DCAF11: variants seen among roughly 807,000 people sequenced by gnomAD.
DCAF11 encodes the protein DDB1- and CUL4-associated factor 11.
In DCAF11, 44 loss-of-function variants were observed where a neutral mutation model predicts 76.1. The ratio of observed to expected loss-of-function variants is 0.58; its 90% CI spans 0.45 to 0.74. DCAF11 has a LOEUF of 0.74. Ranked by LOEUF, DCAF11 falls within the 30% of genes least tolerant of loss-of-function variation. The pLI, the probability that DCAF11 is intolerant of heterozygous loss-of-function variation, is 0.00. For synonymous variants in DCAF11, 258 were observed against 255.0 expected (o/e 1.01, Z -0.11); for missense variants, 604 against 709.4 (o/e 0.85, Z 1.69).
intron 2 of DCAF11, among the ~76,000 whole-genome samples, chr14:24,116,572 A>G (rs929851177): frequency 6.6e-6 from 1 of 152,210 alleles, no homozygotes; most frequent in African/African-American, 2.4e-5. Context: ...TCAGAAGGAA[A>G]TGCTGTGAGG....
rs186457931 is a variant in DCAF11 at position 24,116,565 on chromosome 14, G to A, written c.156-352G>A. On this transcript the variant is annotated intron_variant, in intron 2 of 14. Coordinates refer to ENST00000446197, the MANE Select transcript of DCAF11 (RefSeq NM_025230.5). ...GGTGGACTTCTCAGGCAGAGGCTCA[G>A]AAGGAAATGCTGTGAGGATGTTTAG... Among the ~76,000 whole-genome samples, 14 of 152,332 alleles carry A rather than the reference G, an allele frequency of 9.2e-5. No individual in the cohort carries two copies. In the East Asian group the frequency reaches 2.7e-3, roughly 29 times the overall value.
At chr14:24,122,885 A>T in intron 13 of DCAF11, 86 bp from the exon 14 acceptor site, 1 of 1,202,132 alleles carries the variant, frequency 8.3e-7, no homozygotes, top group Non-Finnish European at 1.2e-6. Context: ...CCTGAGAGGC[A>T]GGTCAGTGGT....
chr14:24,114,975 T>C lies in DCAF11; in HGVS notation c.-532T>C. The C allele has an allele frequency of 1.0e-6, 1 of 985,932 alleles. No homozygotes were observed. The highest frequency in any genetic ancestry group is 5.2e-4 in the Middle Eastern group (1 of 1,916). 61.1% of individuals were successfully genotyped at this position (985,932 alleles called of 1,614,324 possible). A position where few individuals can be genotyped will look rare whatever the true frequency, so the allele number is the denominator to read the frequency against. On this transcript the variant is annotated 5_prime_UTR_variant, in exon 1 of 15. Coordinates refer to ENST00000446197, the MANE Select transcript of DCAF11 (RefSeq NM_025230.5). Reference sequence around the variant, plus strand: ...ACCGCCGGCTTCAGTGGGAGGTGCTTCTCGGCTTCCTCCCCCTCATGGCGT... The same window carrying C: ...ACCGCCGGCTTCAGTGGGAGGTGCTCCTCGGCTTCCTCCCCCTCATGGCGT...
chr14:24,116,945 G>A lies in DCAF11; in HGVS notation c.184G>A (p.Gly62Ser). The A allele has an allele frequency of 6.2e-7, 1 of 1,614,156 alleles. No homozygotes were observed. The highest frequency in any genetic ancestry group is 8.5e-7 in the Non-Finnish European group (1 of 1,180,022). The change falls in exon 3 of 15, where the codon GGT (glycine) becomes AGT (serine). Residue 62 changes from glycine to serine, a missense_variant. By Grantham distance (56) the Gly-to-Ser change is moderately conservative. Coordinates refer to ENST00000446197, the MANE Select transcript of DCAF11 (RefSeq NM_025230.5). ...RGQVRLVQGG[G>S]AANLQFIQAL... ...CCAAGTGAGGTTGGTGCAGGGAGGA[G>A]GTGCAGCAAATTTACAATTCATTCA...
At position 24,121,040 on chromosome 14, in the gene DCAF11, C is replaced by A. The variant is rs765222320; in HGVS notation, c.1246+49C>A. 3 of 1,603,126 alleles carry A rather than the reference C, an allele frequency of 1.9e-6. No homozygotes were observed. In the South Asian group the frequency reaches 3.3e-5, roughly 18 times the overall value. The stretch of plus-strand genomic sequence containing the variant: ...GTGGATTTGTCTGTAGCCTGGGAGC[C>A]CTGGAGGACCTCCCCCTCAGCCCTC... On this transcript the variant is annotated intron_variant, in intron 12 of 14. Coordinates refer to ENST00000446197, the MANE Select transcript of DCAF11 (RefSeq NM_025230.5).
rs2037527903 is a variant in DCAF11, at chr14:24,115,442, T to A, written c.-153T>A. 9.1e-7 allele frequency: 1 copy of A among 1,103,304 alleles called. No homozygotes were observed. Among genetic ancestry groups the A allele is most frequent in the Non-Finnish European group, 1.3e-6 (1 of 793,482 alleles). 68.3% of individuals were successfully genotyped at this position (1,103,304 alleles called of 1,614,324 possible). ...GTTGGCATAGGCTAAAGAAAAGGGA[T>A]CTCAGCCCCGAGGAAGGGTCACCCT... On this transcript the variant is annotated 5_prime_UTR_variant, in exon 2 of 15. Coordinates refer to ENST00000446197, the MANE Select transcript of DCAF11 (RefSeq NM_025230.5).
Position 24,121,480 on chromosome 14 carries a change from G to A in DCAF11, c.1362G>A (p.Gln454=). ...CCCCCATTCATAGCACTGGCCAGCA[G>A]TTCATCTACAGTGGCTGCTCCACTG... ...RFSPIHSTGQ[Q]FIYSGCSTGK... is the part of the protein sequence containing the mutation. The change falls in exon 13 of 15, where the codon CAG becomes CAA. Residue 454 remains glutamine (Q), a synonymous_variant. Transcript: ENST00000446197. 1 of 1,614,198 alleles carries A rather than the reference G, an allele frequency of 6.2e-7. No individual in the cohort carries two copies. The highest frequency in any genetic ancestry group is 8.5e-7 in the Non-Finnish European group (1 of 1,180,032).
In DCAF11 at chr14:24,123,157, C is replaced by T. The variant is rs769905663; in HGVS notation, c.1507-18C>T. On this transcript the variant is annotated intron_variant, in intron 14 of 14. Coordinates refer to ENST00000446197, the MANE Select transcript of DCAF11 (RefSeq NM_025230.5). ...GGGGGCAGCACATCCTGACTGCTTGCCACCCTCTGCCCTGCAGTGGGACGG... is the reference window on the plus strand; with the variant it reads ...GGGGGCAGCACATCCTGACTGCTTGTCACCCTCTGCCCTGCAGTGGGACGG... 1.9e-6 allele frequency: 3 copies of T among 1,613,716 alleles called. No individual in the cohort carries two copies. The highest frequency in any genetic ancestry group is 1.7e-4 in the Middle Eastern group (1 of 6,058).
rs1204053507 is a variant in DCAF11 at position 24,125,177 on chromosome 14, C to T, written c.*1868C>T. 6.6e-6 allele frequency: 1 copy of T among 152,212 alleles called. No individual in the cohort carries two copies. The allele number at this position is 152,212 out of a possible 1,614,324, so 9.4% of individuals were successfully genotyped here. On this transcript the variant is annotated 3_prime_UTR_variant, in exon 15 of 15. Coordinates refer to ENST00000446197, the MANE Select transcript of DCAF11 (RefSeq NM_025230.5). ...GGTGAGCCGTGATTGTGCCAATGTA[C>T]TCCAGCCTAGGTGACAGAGTGAGAC...
chr14:24,121,138 G>C, intron 12 of DCAF11, 147 bp downstream of exon 12: 1 of 1,280,458 alleles, frequency 7.8e-7, no homozygotes, highest in Non-Finnish European at 1.1e-6. Context: ...TTGGGGCCTG[G>C]GTGGGGGTCA....
intron 13 of DCAF11, chr14:24,121,767 C>A: frequency 2.3e-6 from 1 of 430,064 alleles, no homozygotes; most frequent in Non-Finnish European, 4.1e-6. Flanking sequence ...TTCTGTTTTT[C>A]AGCCAGTCAA....
intron 13 of DCAF11, 61 bp from the exon 14 acceptor site, chr14:24,122,910 G>A: frequency 6.7e-7 from 1 of 1,490,612 alleles, no homozygotes; most frequent in Non-Finnish European, 9.2e-7. Context: ...CTCATGGGGA[G>A]GTGAGGGATA....
chr14:24,125,108 G>T lies in DCAF11; in HGVS notation c.*1799G>T, dbSNP rs1174552698. 6.6e-6 allele frequency: 1 copy of T among 152,246 alleles called. No individual in the cohort carries two copies. Among genetic ancestry groups the T allele is most frequent in the Non-Finnish European group, 1.5e-5 (1 of 68,064 alleles). The allele number at this position is 152,246 out of a possible 1,614,324, so 9.4% of individuals were successfully genotyped here. ...TGCCTGTAGTCCTAGCTACTCAGGA[G>T]GCTGAGGTGGGAGGATCACCTAAGG... On this transcript the variant is annotated 3_prime_UTR_variant, in exon 15 of 15. Transcript: ENST00000446197.
Position 24,115,013 on chromosome 14 carries a change from C to T in DCAF11, c.-494C>T, listed in dbSNP as rs569913983. ...CCCCTCATGGCGTACACACCCCCGG[C>T]GCACCACGTGGGCGTGAGGCGAGGA... is the stretch of plus-strand genomic sequence containing the variant. On this transcript the variant is annotated 5_prime_UTR_variant, in exon 1 of 15. Transcript: ENST00000446197. 6 of 985,998 alleles carry T rather than the reference C, an allele frequency of 6.1e-6. No homozygotes were observed. The African/African-American group carries it at 7.0e-5, about 11-fold the overall frequency. The allele number at this position is 985,998 out of a possible 1,614,324, so 61.1% of individuals were successfully genotyped here. A position where few individuals can be genotyped will look rare whatever the true frequency, so the allele number is the denominator to read the frequency against.
rs1049020646 is a variant in DCAF11 at position 24,118,893 on chromosome 14, T to C, written c.779+89T>C. ...AACCTCTTGAGTTGGAAGTTCTGTTTAGGGGAAAAAGTATACTGGTGGGTC... is the reference window on the plus strand; with the variant it reads ...AACCTCTTGAGTTGGAAGTTCTGTTCAGGGGAAAAAGTATACTGGTGGGTC... On this transcript the variant is annotated intron_variant, in intron 8 of 14. Coordinates refer to ENST00000446197, the MANE Select transcript of DCAF11 (RefSeq NM_025230.5). The C allele has an allele frequency of 2.7e-6, 4 of 1,476,196 alleles. No individual in the cohort carries two copies. In the African/African-American group the frequency reaches 4.2e-5, roughly 15 times the overall value. The allele number at this position is 1,476,196 out of a possible 1,614,324, so 91.4% of individuals were successfully genotyped here.
chr14:24,117,209 C>T lies in DCAF11; in HGVS notation c.284-57C>T, dbSNP rs2037597370. ...AGGGGTGGGCTTGGGTACAGTTCTG[C>T]TAACTGTCCTCTGAGGCTGGCAGAC... On this transcript the variant is annotated intron_variant, in intron 3 of 14. Transcript: ENST00000446197. This position sits in a 1 kb window ranked among gnomAD's most constrained non-coding sequence, Gnocchi z 4.3. The T allele has an allele frequency of 6.2e-7, 1 of 1,610,748 alleles. No individual in the cohort carries two copies. Among genetic ancestry groups the T allele is most frequent in the Non-Finnish European group, 8.5e-7 (1 of 1,177,922 alleles).
chr14:24,119,615 A>T lies in DCAF11; in HGVS notation c.905A>T (p.Gln302Leu). ...FDREQNRRTL[Q>L]IESHEDDVNA... The stretch of plus-strand genomic sequence containing the variant: ...CGAGAACAGAACCGGCGCACCCTTC[A>T]GGTATGGCTCCTGAGATAGAGCCTC... Residue 302 changes from glutamine to leucine, a missense_variant and splice_region_variant, in exon 10 of 15, where the codon CAG becomes CTG. Transcript: ENST00000446197. 1 of 1,614,066 alleles carries T rather than the reference A, an allele frequency of 6.2e-7. No individual in the cohort carries two copies. Among genetic ancestry groups the T allele is most frequent in the Non-Finnish European group, 8.5e-7 (1 of 1,179,996 alleles).
chr14:24,122,920 A>G (rs1047433379), intron 13 of DCAF11, 51 bp from the exon 14 acceptor site: 3 of 1,536,684 alleles, frequency 2.0e-6, no homozygotes, highest in Non-Finnish European at 1.8e-6. Context: ...GGTGAGGGAT[A>G]GTTTAGATGT....
At chr14:24,120,777 G>C in intron 11 of DCAF11, 61 bp from the exon 12 acceptor site, 2 of 1,596,028 alleles carry the variant, frequency 1.3e-6, no homozygotes, top group Admixed American at 1.7e-5. Context: ...ACGGGAACTA[G>C]ACTGACAGGC....
Sources: allele counts gnomAD v4.1 joint callset (sites outside exome capture counted in the v4.1 genomes callset), GRCh38; gene constraint gnomAD v4.1.1; non-coding constraint Gnocchi (gnomAD v3.1); transcripts MANE v1.5; gene names NCBI Gene and HGNC (gene_info 2026-07-23, HGNC 2026-07-21).